Variants in SOCS2 observed in about 807,000 individuals in gnomAD.
SOCS2 encodes CIS-2.
SOCS2 carries 10 observed loss-of-function variants against 18.6 expected under a neutral mutation model. The ratio of observed to expected loss-of-function variants is 0.54; its 90% CI spans 0.33 to 0.91. The LOEUF (loss-of-function observed/expected upper bound fraction) is 0.91. Among genes scored for constraint, SOCS2 ranks in the 40% least tolerant of loss-of-function variants. SOCS2 has a pLI of 0.02. For missense variants in SOCS2, 231 were observed against 247.2 expected (o/e 0.93, Z 0.44); for synonymous variants, 104 against 104.0 (o/e 1.00, Z 0.00).
At chr12:93,621,654 AT>A in the SOCS2 span, among the ~76,000 whole-genome samples, 12 of 150,188 alleles carry the variant, frequency 8.0e-5, no homozygotes, top group Admixed American at 2.7e-4. Flanking sequence ...TTAAAAAAAA[AT>A]TTTTTTTTTG....
At chr12:93,614,478 C>CCTTTCTTTTT in the SOCS2 span, among the ~76,000 whole-genome samples, 7 of 49,436 alleles carry the variant, frequency 1.4e-4, 1 homozygote, top group African/African-American at 8.6e-4. Context: ...TTCCTTCCTT[C>CCTTTCTTTTT]CTTTCCTTCC....
the SOCS2 span, among the ~76,000 whole-genome samples, chr12:93,621,750 A>G: frequency 6.6e-6 from 1 of 152,094 alleles, no homozygotes; most frequent in Non-Finnish European, 1.5e-5. Flanking sequence ...TTCCAAAGTG[A>G]GTGCTAGGAC....
At chr12:93,578,061 A>T (rs1202583293), downstream of SOCS2, among the ~76,000 whole-genome samples, 2 of 152,178 alleles carry the variant, frequency 1.3e-5, no homozygotes, top group African/African-American at 4.8e-5. Context: ...GGCAGAGATG[A>T]GGCAGTGCAG....
At chr12:93,615,682 A>C in the SOCS2 span, among the ~76,000 whole-genome samples, 2 of 152,114 alleles carry the variant, frequency 1.3e-5, no homozygotes, top group African/African-American at 2.4e-5. Flanking sequence ...TACAACCTCC[A>C]CCTCCTGGGT....
the SOCS2 span, among the ~76,000 whole-genome samples, chr12:93,621,752 T>G: frequency 3.3e-5 from 5 of 152,200 alleles, no homozygotes; most frequent in Admixed American, 3.3e-4. Flanking sequence ...CCAAAGTGAG[T>G]GCTAGGACTA....
chr12:93,618,177 T>C, the SOCS2 span, among the ~76,000 whole-genome samples: 2 of 152,162 alleles, frequency 1.3e-5, no homozygotes. Flanking sequence ...TCCGCCATGA[T>C]TGTAAGTTTC....
chr12:93,578,843 C>T (rs1036531752), downstream of SOCS2, among the ~76,000 whole-genome samples: 2 of 152,144 alleles, frequency 1.3e-5, no homozygotes, highest in Non-Finnish European at 2.9e-5. Flanking sequence ...CTTTGCTTTC[C>T]TGCAAGTCCT....
chr12:93,574,696 T>C, intron 1 of SOCS2, 26 bp from the exon 2 acceptor site: 1 of 1,513,646 alleles, frequency 6.6e-7, no homozygotes. Flanking sequence ...CCCTCTTTTC[T>C]TTTTCTTTTT....
downstream of SOCS2, among the ~76,000 whole-genome samples, chr12:93,587,721 A>AG (rs201245650): frequency 5.4e-3 from 821 of 151,802 alleles, 14 homozygotes; most frequent in African/African-American, 0.019. Context: ...CCAAAGAGCC[A>AG]GGCAAGGCAG....
At chr12:93,585,030 T>C (rs1436792647), downstream of SOCS2, among the ~76,000 whole-genome samples, 1 of 152,208 alleles carries the variant, frequency 6.6e-6, no homozygotes, top group African/African-American at 2.4e-5. Context: ...CCCAAAGTGC[T>C]GGGATTACAG....
chr12:93,591,809 G>T, the SOCS2 span, among the ~76,000 whole-genome samples: 28 of 152,286 alleles, frequency 1.8e-4, no homozygotes, highest in African/African-American at 5.5e-4. Context: ...GAGAGCAGAC[G>T]GCTGGGTGCA....
chr12:93,605,675 T>A, the SOCS2 span, among the ~76,000 whole-genome samples: 1 of 152,234 alleles, frequency 6.6e-6, no homozygotes, highest in African/African-American at 2.4e-5. Context: ...CATGCATTTC[T>A]ATGGTATGAA....
At chr12:93,620,627 T>C in the SOCS2 span, among the ~76,000 whole-genome samples, 148 of 152,262 alleles carry the variant, frequency 9.7e-4, 1 homozygote, top group African/African-American at 3.4e-3. Flanking sequence ...TTGGCCAGGC[T>C]GGTCTCAAAC....
At chr12:93,571,316 T>A (rs1592818950), upstream of SOCS2, 1 of 152,214 alleles carries the variant, frequency 6.6e-6, no homozygotes, top group South Asian at 2.1e-4. Flanking sequence ...GCGGACGGCC[T>A]GGGCTTCCGC....
chr12:93,623,953 G>A, the SOCS2 span, among the ~76,000 whole-genome samples: 3 of 151,990 alleles, frequency 2.0e-5, no homozygotes, highest in Admixed American at 6.6e-5. Context: ...GATCACCCAC[G>A]TCAGCCTCCC....
At chr12:93,603,280 C>T in the SOCS2 span, among the ~76,000 whole-genome samples, 12 of 152,264 alleles carry the variant, frequency 7.9e-5, no homozygotes, top group Admixed American at 1.3e-4. Flanking sequence ...GTGTGCAGGG[C>T]CTTGTGCTAT....
the SOCS2 span, among the ~76,000 whole-genome samples, chr12:93,590,123 G>A: frequency 3.0e-3 from 463 of 151,884 alleles, 8 homozygotes; most frequent in Admixed American, 0.025. Flanking sequence ...GTGGTGGTGC[G>A]CGCCTATAAT....
the SOCS2 span, among the ~76,000 whole-genome samples, chr12:93,605,753 C>G: frequency 6.6e-6 from 1 of 152,180 alleles, no homozygotes; most frequent in South Asian, 2.1e-4. Context: ...AGGAAATGTA[C>G]TTCAAATTGT....
At chr12:93,572,628 A>G, upstream of SOCS2, 1 of 654,298 alleles carries the variant, frequency 1.5e-6, no homozygotes, top group Non-Finnish European at 2.8e-6. The surrounding 1 kb of genome is among the most constrained non-coding windows in gnomAD (Gnocchi z 5.0). Context: ...CCCCACCCCC[A>G]CCCCAGCCGC....
Sources: gnomAD v4.1 joint callset for allele counts (sites outside exome capture counted in the v4.1 genomes callset) on GRCh38, gnomAD v4.1.1 for gene constraint, Gnocchi (gnomAD v3.1) non-coding constraint, MANE v1.5 for transcripts, NCBI Gene and HGNC (gene_info 2026-07-23, HGNC 2026-07-21) for gene names.